The following AATK variants were observed in gnomAD, a reference collection of about 807,000 sequenced individuals.
The protein encoded by AATK is lemur tail kinase 1.
Under a neutral mutation model 114.3 loss-of-function variants are expected in AATK, and 91 were observed. The ratio of observed to expected loss-of-function variants is 0.80; its 90% confidence interval spans 0.67 to 0.95. AATK has a LOEUF of 0.95. Ranked by LOEUF, AATK falls within the 40% of genes least tolerant of loss-of-function variation. The probability of loss-of-function intolerance (pLI) is 0.00; values close to 1 mark genes in which losing one functional copy is unlikely to be tolerated. For missense variants in AATK, 2,176 were observed against 1,965.2 expected (o/e 1.11, Z -2.03); for synonymous variants, 1,075 against 916.5 (o/e 1.17, Z -3.12).
chr17:81,123,140 T>C (rs1273123456), intron 10 of AATK, 54 bp downstream of exon 10: 10 of 1,380,666 alleles, frequency 7.2e-6, no homozygotes, highest in Non-Finnish European at 9.3e-6. Context: ...TGCCTGGGGA[T>C]CAGGATACCC....
In AATK at chr17:81,118,397, A is replaced by C. The variant is rs1598894201; in HGVS notation, c.*5T>G. ...CAGCCTTGAGGGGCAGGAGCTGCCC[A>C]GGTCTCAAGCCTCTTTACTCTCACC... On this transcript the variant is annotated 3_prime_UTR_variant, in exon 14 of 14. Coordinates refer to ENST00000326724, the MANE Select transcript of AATK (RefSeq NM_001080395.3). The C allele has an allele frequency of 6.2e-7, 1 of 1,605,588 alleles. No individual in the cohort carries two copies. The highest frequency in any genetic ancestry group is 8.5e-7 in the Non-Finnish European group (1 of 1,177,040).
rs539056022 is a variant in AATK at position 81,141,172 on chromosome 17, C to T, written c.56-6671G>A. On this transcript the variant is annotated intron_variant, in intron 1 of 13. Transcript: ENST00000326724. Reference sequence around the variant, plus strand: ...ATAGCCCATGAAAGTGACTTTCGGCCGGGCGCGGTGGCTCACACCTGTAAT... The same window carrying T: ...ATAGCCCATGAAAGTGACTTTCGGCTGGGCGCGGTGGCTCACACCTGTAAT... 1.9e-3 allele frequency among the ~76,000 whole-genome samples: 294 copies of T among 152,278 alleles called. 1 individual carries two copies. Among genetic ancestry groups the T allele is most frequent in the Non-Finnish European group, 3.0e-3 (207 of 68,014 alleles).
rs1005363048 is a variant in AATK, at chr17:81,118,267, C to T, written c.*135G>A. On this transcript the variant is annotated 3_prime_UTR_variant, in exon 14 of 14. Transcript: ENST00000326724. ...TCCCACGGGCTTCTCCAGGACACCG[C>T]GTGGGGCAGAGGCACCTGAATCTGC... The T allele has an allele frequency of 1.3e-5, 11 of 864,708 alleles. No individual in the cohort carries two copies. Among genetic ancestry groups the T allele is most frequent in the South Asian group, 8.2e-5 (5 of 60,778 alleles). 53.6% of individuals were successfully genotyped at this position (864,708 alleles called of 1,614,324 possible). A position where few individuals can be genotyped will look rare whatever the true frequency, so the allele number is the denominator to read the frequency against.
Position 81,120,604 on chromosome 17 carries a change from T to A in AATK, c.3332A>T (p.Glu1111Val). 1.3e-6 allele frequency: 2 copies of A among 1,551,664 alleles called. No individual in the cohort carries two copies. The highest frequency in any genetic ancestry group is 1.7e-6 in the Non-Finnish European group (2 of 1,152,092). The part of the protein sequence containing the change: ...FLLTPVPLRS[E>V]GNSSEFQGPP... ...CCCCTGGAACTCAGAGCTGTTGCCT[T>A]CTGATCTCAGCGGAACCGGGGTCAG... The change falls in exon 11 of 14, where the codon GAA becomes GTA. Residue 1111 changes from glutamate (E) to valine (V), a missense_variant. Physicochemically the swap from Glu to Val is moderately radical, Grantham distance 121 (BLOSUM62 -2). Transcript: ENST00000326724.
Position 81,166,003 on chromosome 17 carries a change from G to T in AATK, c.-11C>A, listed in dbSNP as rs2061486443. On this transcript the variant is annotated 5_prime_UTR_variant, in exon 1 of 14. The change creates a new upstream start codon in the 5' untranslated region. Transcript: ENST00000326724. ...GAAGGACGACGACATGGCCGGGCCA[G>T]CGGCCGGCGGGCATCCCGGGAGGGC... The T allele has an allele frequency of 1.9e-6, 3 of 1,557,744 alleles. No homozygotes were observed. The African/African-American group carries it at 4.2e-5, about 22-fold the overall frequency.
At chr17:81,145,592 G>T (rs2061205381) in intron 1 of AATK, among the ~76,000 whole-genome samples, 1 of 152,058 alleles carries the variant, frequency 6.6e-6, no homozygotes. Context: ...AATTAGCCAG[G>T]CGTGGTGGCA....
Position 81,117,373 on chromosome 17 carries a change from AAACAC to A in AATK, c.*1024_*1028del, listed in dbSNP as rs2060576178. The A allele has an allele frequency of 6.6e-6, 1 of 152,316 alleles. No individual in the cohort carries two copies. The highest frequency in any genetic ancestry group is 1.5e-5 in the Non-Finnish European group (1 of 68,062). The allele number at this position is 152,316 out of a possible 1,614,324, so 9.4% of individuals were successfully genotyped here. A position where few individuals can be genotyped will look rare whatever the true frequency, so the allele number is the denominator to read the frequency against. On this transcript the variant is annotated 3_prime_UTR_variant, in exon 14 of 14. Coordinates refer to ENST00000326724, the MANE Select transcript of AATK (RefSeq NM_001080395.3). ...GCACCAGCGTTCTAAGCCTCAAACA[AAACAC>A]AAAACAAATCCCCCTGCGAAGCAAC...
chr17:81,132,150 C>G (rs1198036840), intron 2 of AATK, among the ~76,000 whole-genome samples: 1 of 152,232 alleles, frequency 6.6e-6, no homozygotes, highest in Non-Finnish European at 1.5e-5. Flanking sequence ...AGCAATTGCT[C>G]CAGGCACACA....
rs774053194 is a variant in AATK, at chr17:81,122,406, G to C, written c.1530C>G (p.Gly510=). 1 of 1,465,884 alleles carries C rather than the reference G, an allele frequency of 6.8e-7. No homozygotes were observed. Among genetic ancestry groups the C allele is most frequent in the Admixed American group, 2.4e-5 (1 of 41,538 alleles). 90.8% of individuals were successfully genotyped at this position (1,465,884 alleles called of 1,614,324 possible). ...GCACCGGAACCACGCCCGGGGGCGCGCCGTCGGGGGCGCACAGCTCCTGCA... is the reference window on the plus strand; with the variant it reads ...GCACCGGAACCACGCCCGGGGGCGCCCCGTCGGGGGCGCACAGCTCCTGCA... ...ARLQELCAPD[G]APPGVVPVLS... Residue 510 remains glycine (G), a synonymous_variant, in exon 11 of 14, where the codon GGC becomes GGG. Transcript: ENST00000326724.
At chr17:81,143,550 G>A (rs1300699468) in intron 1 of AATK, among the ~76,000 whole-genome samples, 3 of 72,446 alleles carry the variant, frequency 4.1e-5, no homozygotes, top group African/African-American at 1.1e-4. Context: ...CCGTGTCCAC[G>A]CAGCCCCAAT....
At chr17:81,128,057 T>C (rs1568228379) in intron 4 of AATK, 147 bp from the exon 5 acceptor site, 1 of 992,236 alleles carries the variant, frequency 1.0e-6, no homozygotes, top group African/African-American at 1.6e-5. Context: ...CAGCGTGAGG[T>C]ATGGCTTCCG....
intron 1 of AATK, among the ~76,000 whole-genome samples, chr17:81,139,692 C>T (rs2061094326): frequency 6.6e-6 from 1 of 152,194 alleles, no homozygotes. Context: ...CACCCTCCAA[C>T]CCTGGTGACC....
chr17:81,160,132 C>T (rs991719970), intron 1 of AATK: 25 of 521,902 alleles, frequency 4.8e-5, no homozygotes, highest in East Asian at 1.5e-4. Flanking sequence ...CGGCCACCTC[C>T]GCTGGCAGGG....
rs375304666 is a variant in AATK at position 81,119,395 on chromosome 17, C to T, written c.4069G>A (p.Ala1357Thr). 9.5e-5 allele frequency: 148 copies of T among 1,562,902 alleles called. No individual in the cohort carries two copies. Among genetic ancestry groups the T allele is most frequent in the Non-Finnish European group, 1.2e-4 (141 of 1,161,608 alleles). Reference protein sequence around the residue: ...FSITHVSDSDAESKRGPEAGA... With the variant: ...FSITHVSDSDTESKRGPEAGA... ...CAGGCCTCACCTCTCTTGGACTCGG[C>T]GTCCGAGTCAGACACGTGCGTGATG... Residue 1357 changes from alanine (A) to threonine (T), a missense_variant, in exon 13 of 14, where the codon GCC becomes ACC. By Grantham distance (58) the Ala-to-Thr change is moderately conservative. Around this residue, in one of 4 missense-constraint regions of AATK, gnomAD observed 1,701 missense variants for 1,394.7 expected, o/e 1.22. Coordinates refer to ENST00000326724, the MANE Select transcript of AATK (RefSeq NM_001080395.3).
chr17:81,128,045 T>A, intron 4 of AATK, 135 bp from the exon 5 acceptor site: 1 of 1,099,830 alleles, frequency 9.1e-7, no homozygotes, highest in Non-Finnish European at 1.3e-6. Context: ...GTCCACTCAT[T>A]GCAGCGTGAG....
At chr17:81,158,073 G>A (rs1327390039) in intron 1 of AATK, among the ~76,000 whole-genome samples, 1 of 152,358 alleles carries the variant, frequency 6.6e-6, no homozygotes, top group South Asian at 2.1e-4. Flanking sequence ...CAGGTCCATG[G>A]CCAGGGCGGC....
At chr17:81,165,616 C>T (rs934162838) in intron 1 of AATK, 4 of 1,435,056 alleles carry the variant, frequency 2.8e-6, no homozygotes, top group Non-Finnish European at 3.7e-6. Context: ...CCCCCAAGGG[C>T]CCTTAGTCTG....
At chr17:81,125,518 G>C (rs1292349731) in intron 7 of AATK, 2 of 351,904 alleles carry the variant, frequency 5.7e-6, no homozygotes, top group Admixed American at 7.8e-5. Flanking sequence ...TCTCACTTGA[G>C]CCACCACTGG....
At chr17:81,119,271 C>CGGAGA in intron 13 of AATK, 109 bp downstream of exon 13, 1 of 1,103,472 alleles carries the variant, frequency 9.1e-7, no homozygotes, top group Non-Finnish European at 1.2e-6. Flanking sequence ...CGGAGCGGAG[C>CGGAGA]GGAGCCGGGG....
Sources: gnomAD v4.1 joint callset for allele counts (sites outside exome capture counted in the v4.1 genomes callset) on GRCh38, gnomAD v4.1.1 for gene constraint, gnomAD v4.1.1 regional missense constraint, MANE v1.5 for transcripts, NCBI Gene and HGNC (gene_info 2026-07-23, HGNC 2026-07-21) for gene names.